The following PPFIA2 variants were observed in gnomAD, a reference collection of about 807,000 sequenced individuals.
PPFIA2 encodes the protein liprin-alpha-2.
Under a neutral mutation model 175.5 loss-of-function variants are expected in PPFIA2, and 46 were observed. The ratio of observed to expected loss-of-function variants is 0.26; its 90% confidence interval spans 0.21 to 0.34. PPFIA2 has a LOEUF of 0.34. Among genes scored for constraint, PPFIA2 ranks in the 10% least tolerant of loss-of-function variants. The probability of loss-of-function intolerance (pLI) is 1.00; values close to 1 mark genes in which losing one functional copy is unlikely to be tolerated. For missense variants in PPFIA2, 1,179 were observed against 1,506.1 expected (o/e 0.78, Z 3.60); for synonymous variants, 568 against 511.4 (o/e 1.11, Z -1.49).
At chr12:81,507,982 A>G (rs2061356626) in intron 4 of PPFIA2, among the ~76,000 whole-genome samples, 1 of 152,146 alleles carries the variant, frequency 6.6e-6, no homozygotes, top group African/African-American at 2.4e-5. Flanking sequence ...AGTATTAGAC[A>G]TTTAAAAAAA....
At chr12:81,726,566 T>A (rs2080105681) in intron 3 of PPFIA2, among the ~76,000 whole-genome samples, 1 of 151,316 alleles carries the variant, frequency 6.6e-6, no homozygotes, top group Non-Finnish European at 1.5e-5. Context: ...TGTTCATAGT[T>A]GAGTTAGACA....
At chr12:81,628,507 G>A (rs1361677555) in intron 4 of PPFIA2, among the ~76,000 whole-genome samples, 1 of 150,348 alleles carries the variant, frequency 6.7e-6, no homozygotes, top group Non-Finnish European at 1.5e-5. Flanking sequence ...CTCCTAAGTA[G>A]CTGGGACTAC....
chr12:81,517,818 A>T (rs1047846200), intron 4 of PPFIA2, among the ~76,000 whole-genome samples: 1 of 152,038 alleles, frequency 6.6e-6, no homozygotes, highest in African/African-American at 2.4e-5. Flanking sequence ...CTTACTATTC[A>T]TTACCACATA....
At chr12:81,692,099 C>T (rs1567882186) in intron 3 of PPFIA2, among the ~76,000 whole-genome samples, 2 of 89,042 alleles carry the variant, frequency 2.2e-5, no homozygotes, top group South Asian at 4.4e-4. Context: ...CACACACATA[C>T]ACAAACACAG....
In PPFIA2 at chr12:81,395,919, C is replaced by T. The variant is rs546552334; in HGVS notation, c.762+9868G>A. On this transcript the variant is annotated intron_variant, in intron 8 of 32. Coordinates refer to ENST00000549396, the MANE Select transcript of PPFIA2 (RefSeq NM_003625.5). ...GAATATTTAAGCATCAGCCCTCTGG[C>T]CCCTCTTCCAGTCTAATACATTGTA... Among the ~76,000 whole-genome samples, 4 of 152,158 alleles carry T rather than the reference C, an allele frequency of 2.6e-5. No homozygotes were observed. The East Asian group carries it at 5.8e-4, about 22-fold the overall frequency.
intron 22 of PPFIA2, among the ~76,000 whole-genome samples, chr12:81,315,064 A>C (rs2051978042): frequency 6.6e-6 from 1 of 151,778 alleles, no homozygotes; most frequent in Non-Finnish European, 1.5e-5. Flanking sequence ...TATATTTGGC[A>C]TCAAGCAATT....
chr12:81,568,807 C>T (rs2071893497), intron 4 of PPFIA2, among the ~76,000 whole-genome samples: 1 of 152,062 alleles, frequency 6.6e-6, no homozygotes, highest in South Asian at 2.1e-4. Context: ...GACTCTCTAC[C>T]CTATTCTCTA....
At chr12:81,630,137 T>G (rs2063201580) in intron 4 of PPFIA2, among the ~76,000 whole-genome samples, 1 of 151,992 alleles carries the variant, frequency 6.6e-6, no homozygotes, top group Admixed American at 6.6e-5. Context: ...TTCCTTAGAG[T>G]CTCCAGTGGA....
At chr12:81,295,558 G>A (rs2046247794) in intron 23 of PPFIA2, among the ~76,000 whole-genome samples, 1 of 152,190 alleles carries the variant, frequency 6.6e-6, no homozygotes, top group South Asian at 2.1e-4. Context: ...CCTACACCAT[G>A]TGAAAGATGT....
intron 22 of PPFIA2, chr12:81,302,139 C>A: frequency 2.5e-6 from 1 of 397,236 alleles, no homozygotes. Context: ...AAATTGTGTC[C>A]TATAATGTTT....
intron 27 of PPFIA2, 85 bp downstream of exon 27, chr12:81,281,172 C>T (rs1374353109): frequency 2.1e-5 from 21 of 1,004,152 alleles, no homozygotes; most frequent in East Asian, 2.7e-5. Flanking sequence ...GTCTTCTAGA[C>T]GTCCATTTTT....
intron 7 of PPFIA2, among the ~76,000 whole-genome samples, chr12:81,412,226 C>T (rs1394729400): frequency 2.0e-5 from 3 of 148,334 alleles, no homozygotes; most frequent in South Asian, 2.2e-4. Flanking sequence ...AATATTAATA[C>T]ATTTATTCAA....
At chr12:81,268,785 C>G (rs149538391) in intron 28 of PPFIA2, among the ~76,000 whole-genome samples, 298 of 152,184 alleles carry the variant, frequency 2.0e-3, no homozygotes, top group African/African-American at 6.9e-3. Context: ...AAACAGCAGA[C>G]GAGATTGTAA....
intron 4 of PPFIA2, among the ~76,000 whole-genome samples, chr12:81,526,243 A>G (rs2063718941): frequency 1.3e-5 from 2 of 152,184 alleles, no homozygotes; most frequent in Non-Finnish European, 2.9e-5. Flanking sequence ...TCTTACTTGG[A>G]ATGCCAGAAA....
intron 4 of PPFIA2, among the ~76,000 whole-genome samples, chr12:81,657,192 A>G (rs2067925424): frequency 6.6e-6 from 1 of 152,142 alleles, no homozygotes; most frequent in Non-Finnish European, 1.5e-5. Flanking sequence ...CTCCCCTGGG[A>G]AGGTTAATGC....
At chr12:81,365,568 A>G (rs1056326312) in intron 14 of PPFIA2, among the ~76,000 whole-genome samples, 4 of 151,762 alleles carry the variant, frequency 2.6e-5, no homozygotes, top group African/African-American at 9.7e-5. Context: ...CAATCTGCTC[A>G]AAAACTACTT....
At chr12:81,540,974 G>A (rs2066122586) in intron 4 of PPFIA2, among the ~76,000 whole-genome samples, 1 of 151,998 alleles carries the variant, frequency 6.6e-6, no homozygotes, top group Non-Finnish European at 1.5e-5. Context: ...CCCCAGGGGT[G>A]CCTGCTATCC....
intron 7 of PPFIA2, among the ~76,000 whole-genome samples, chr12:81,412,349 A>G (rs1364840375): frequency 6.6e-6 from 1 of 151,324 alleles, no homozygotes; most frequent in Non-Finnish European, 1.5e-5. Context: ...AAAAAAAAAA[A>G]AAAAAGGAAG....
chr12:81,672,934 A>G (rs1397423059), intron 4 of PPFIA2, among the ~76,000 whole-genome samples: 1 of 152,050 alleles, frequency 6.6e-6, no homozygotes, highest in Non-Finnish European at 1.5e-5. Flanking sequence ...CAGAAATAAT[A>G]AGAAAGTAAA....
Sources: gnomAD v4.1 joint callset for allele counts (sites outside exome capture counted in the v4.1 genomes callset) on GRCh38, gnomAD v4.1.1 for gene constraint, MANE v1.5 for transcripts, NCBI Gene and HGNC (gene_info 2026-07-23, HGNC 2026-07-21) for gene names.